The following ADGRL2 variants were observed in gnomAD, a reference collection of about 807,000 sequenced individuals.
The protein encoded by ADGRL2 is calcium-independent alpha-latrotoxin receptor 2.
Under a neutral mutation model 157.4 loss-of-function variants are expected in ADGRL2, and 44 were observed. That is an observed-to-expected ratio of 0.28 (90% CI 0.22 to 0.36). The LOEUF is 0.36. ADGRL2 is among the 10% of genes least tolerant of loss of function. The pLI is 1.00. For missense variants in ADGRL2, 1,510 were observed against 1,768.9 expected (o/e 0.85, Z 2.63); for synonymous variants, 585 against 624.7 (o/e 0.94, Z 0.95).
intron 2 of ADGRL2, among the ~76,000 whole-genome samples, chr1:81,843,894 C>G (rs1303977218): frequency 2.0e-5 from 3 of 151,736 alleles, no homozygotes; most frequent in Non-Finnish European, 4.4e-5. Context: ...CTTCTTGATT[C>G]CATCCTCTTT....
chr1:81,721,811 G>T (rs1425998619), intron 1 of ADGRL2: 6 of 1,057,564 alleles, frequency 5.7e-6, no homozygotes, highest in South Asian at 1.2e-5. Context: ...AGGCGGTAAA[G>T]TACCACCTGC....
chr1:81,950,288 C>G lies in ADGRL2; in HGVS notation c.1310C>G (p.Thr437Ser). 1 of 1,614,068 alleles carries G rather than the reference C, an allele frequency of 6.2e-7. No individual in the cohort carries two copies. The highest frequency in any genetic ancestry group is 1.1e-5 in the South Asian group (1 of 91,084). The stretch of plus-strand genomic sequence containing the variant: ...TCACAGAAAGGCCCCATGAGCACAA[C>G]TGTAGCTGGATCACAGGAAGGAAGC... The part of the protein sequence containing the change: ...TTSQKGPMST[T>S]VAGSQEGSKG... The change falls in exon 7 of 24, where the codon ACT (threonine) becomes AGT (serine). Residue 437 changes from threonine (T) to serine (S), a missense_variant. By Grantham distance (58) the Thr-to-Ser change is moderately conservative. Coordinates refer to ENST00000686636, the MANE Select transcript of ADGRL2 (RefSeq NM_001366006.2).
chr1:81,574,600 A>G (rs1374626576), intron 2 of ADGRL2, among the ~76,000 whole-genome samples: 1 of 152,120 alleles, frequency 6.6e-6, no homozygotes, highest in African/African-American at 2.4e-5. Flanking sequence ...TGCTTATTTC[A>G]TTCATCTCTT....
intron 1 of ADGRL2, among the ~76,000 whole-genome samples, chr1:81,387,883 G>T (rs1012944730): frequency 8.6e-5 from 13 of 151,888 alleles, no homozygotes; most frequent in African/African-American, 3.1e-4. Context: ...ACACATACTA[G>T]AATTCTTCAT....
intron 3 of ADGRL2, among the ~76,000 whole-genome samples, chr1:81,925,218 C>A (rs1341878744): frequency 2.0e-5 from 3 of 151,996 alleles, no homozygotes; most frequent in Non-Finnish European, 4.4e-5. Flanking sequence ...CTTTGTTGAA[C>A]CTTTGGAGAA....
At chr1:81,668,457 C>T (rs2082798722) in intron 3 of ADGRL2, among the ~76,000 whole-genome samples, 1 of 151,342 alleles carries the variant, frequency 6.6e-6, no homozygotes. Context: ...TATAGCTTGC[C>T]CCCTTGTGTA....
intron 1 of ADGRL2, among the ~76,000 whole-genome samples, chr1:81,741,290 A>G (rs186519776): frequency 6.6e-6 from 1 of 152,080 alleles, no homozygotes; most frequent in Non-Finnish European, 1.5e-5. Flanking sequence ...ATGATTTCCT[A>G]TGAATTTAGA....
intron 1 of ADGRL2, among the ~76,000 whole-genome samples, chr1:81,375,868 A>G (rs1178591635): frequency 1.3e-5 from 2 of 152,018 alleles, no homozygotes; most frequent in Non-Finnish European, 2.9e-5. Flanking sequence ...TTTTTTTTCA[A>G]AATGCTTCAT....
At chr1:81,860,715 C>A (rs1056108288) in intron 2 of ADGRL2, among the ~76,000 whole-genome samples, 1 of 152,100 alleles carries the variant, frequency 6.6e-6, no homozygotes, top group East Asian at 1.9e-4. Flanking sequence ...GGTTCAAGCT[C>A]CCTTATCTTA....
intron 1 of ADGRL2, among the ~76,000 whole-genome samples, chr1:81,360,122 C>A (rs1463418294): frequency 1.3e-5 from 2 of 152,074 alleles, no homozygotes; most frequent in East Asian, 3.9e-4. Flanking sequence ...CTACTCTTTA[C>A]CCAGTTTTCT....
intron 5 of ADGRL2, 176 bp from the exon 6 acceptor site, chr1:81,942,793 A>G (rs1324262432): frequency 1.5e-6 from 1 of 677,960 alleles, no homozygotes; most frequent in African/African-American, 1.8e-5. Context: ...GTACCCTGAT[A>G]CACTGATTAT....
At chr1:81,537,870 T>G (rs1247163498) in intron 2 of ADGRL2, among the ~76,000 whole-genome samples, 2 of 152,138 alleles carry the variant, frequency 1.3e-5, no homozygotes, top group Middle Eastern at 3.4e-3. Context: ...CAGCTAATTT[T>G]TGTATTTTTA....
intron 1 of ADGRL2, among the ~76,000 whole-genome samples, chr1:81,705,384 C>T (rs147623712): frequency 6.6e-6 from 1 of 152,110 alleles, no homozygotes; most frequent in East Asian, 2.0e-4. Context: ...TGCAGAAAAG[C>T]CTACAGGTGT....
At chr1:81,463,094 A>G (rs1461757654) in intron 2 of ADGRL2, among the ~76,000 whole-genome samples, 1 of 147,780 alleles carries the variant, frequency 6.8e-6, no homozygotes, top group African/African-American at 2.5e-5. Flanking sequence ...CGGCCTGGGC[A>G]ATAGAGTGAG....
chr1:81,363,460 C>A (rs961622353), intron 1 of ADGRL2, among the ~76,000 whole-genome samples: 2 of 151,980 alleles, frequency 1.3e-5, no homozygotes, highest in Middle Eastern at 3.2e-3. Context: ...CAGAATTATC[C>A]TCCCTCTGTG....
intron 2 of ADGRL2, among the ~76,000 whole-genome samples, chr1:81,488,336 G>A (rs1409446142): frequency 1.3e-5 from 2 of 151,986 alleles, no homozygotes; most frequent in Non-Finnish European, 2.9e-5. Flanking sequence ...AAATAAAAAC[G>A]TTAACAAAAA....
chr1:81,786,812 T>G (rs770612537), intron 2 of ADGRL2, among the ~76,000 whole-genome samples: 17 of 152,230 alleles, frequency 1.1e-4, no homozygotes, highest in Non-Finnish European at 1.9e-4. Context: ...TAACTACATC[T>G]ATTAAACTGT....
chr1:81,455,910 T>G (rs2077795651), intron 2 of ADGRL2, among the ~76,000 whole-genome samples: 1 of 152,220 alleles, frequency 6.6e-6, no homozygotes, highest in Non-Finnish European at 1.5e-5. Context: ...ATATTTAGAT[T>G]CTTGAATCTT....
intron 2 of ADGRL2, among the ~76,000 whole-genome samples, chr1:81,838,447 T>C (rs2092394891): frequency 6.6e-6 from 1 of 152,122 alleles, no homozygotes; most frequent in African/African-American, 2.4e-5. Flanking sequence ...ATGCATCATA[T>C]CTAACATCAT....
Sources: gnomAD v4.1 joint callset for allele counts (sites outside exome capture counted in the v4.1 genomes callset) on GRCh38, gnomAD v4.1.1 for gene constraint, MANE v1.5 for transcripts, NCBI Gene and HGNC (gene_info 2026-07-23, HGNC 2026-07-21) for gene names.